GALNTL6: variants seen among roughly 807,000 people sequenced by gnomAD.
GALNTL6 encodes polypeptide N-acetylgalactosaminyltransferase like 6.
In GALNTL6, 46 loss-of-function variants were observed where a neutral mutation model predicts 73.7. The ratio of observed to expected loss-of-function variants is 0.62; its 90% CI spans 0.49 to 0.80. The LOEUF (loss-of-function observed/expected upper bound fraction) is 0.80. Ranked by LOEUF, GALNTL6 falls within the 30% of genes least tolerant of loss-of-function variation. The pLI is 0.00. For missense variants in GALNTL6, 604 were observed against 755.0 expected (o/e 0.80, Z 2.34); for synonymous variants, 259 against 263.7 (o/e 0.98, Z 0.17).
At chr4:172,984,414 G>A (rs980105786) in intron 10 of GALNTL6, among the ~76,000 whole-genome samples, 2 of 152,132 alleles carry the variant, frequency 1.3e-5, no homozygotes, top group African/African-American at 2.4e-5. Flanking sequence ...GGGGGAAACC[G>A]CCCCCATGAT....
chr4:171,986,276 G>C lies in GALNTL6; in HGVS notation c.138+171558G>C, dbSNP rs530025994. 1.8e-4 allele frequency among the ~76,000 whole-genome samples: 28 copies of C among 151,928 alleles called. 2 individuals are homozygous for C. In the South Asian group the frequency reaches 5.0e-3, roughly 27 times the overall value. Reference sequence around the variant, plus strand: ...AGATAAAGGAAAATTACAGTCAAAGGGGGGGTGTTCTCTGGCGGGCAGAGT... The same window carrying C: ...AGATAAAGGAAAATTACAGTCAAAGCGGGGGTGTTCTCTGGCGGGCAGAGT... On this transcript the variant is annotated intron_variant, in intron 2 of 12. Transcript: ENST00000506823.
intron 2 of GALNTL6, among the ~76,000 whole-genome samples, chr4:171,864,354 T>A (rs1012304986): frequency 1.3e-5 from 2 of 148,644 alleles, no homozygotes; most frequent in Admixed American, 6.8e-5. Flanking sequence ...GACAACTCAG[T>A]CTATGATAAA....
intron 2 of GALNTL6, among the ~76,000 whole-genome samples, chr4:171,847,391 G>A (rs951604850): frequency 1.3e-5 from 2 of 152,054 alleles, no homozygotes; most frequent in Admixed American, 1.3e-4. Flanking sequence ...GACTTGCCTC[G>A]ATGTTGATGG....
chr4:172,434,847 A>G (rs1255349481), intron 5 of GALNTL6, among the ~76,000 whole-genome samples: 2 of 151,904 alleles, frequency 1.3e-5, no homozygotes, highest in Non-Finnish European at 2.9e-5. Flanking sequence ...TTCTGATCTC[A>G]TTTCTGTGGC....
intron 2 of GALNTL6, among the ~76,000 whole-genome samples, chr4:172,108,866 AG>A (rs1216418960): frequency 2.0e-5 from 3 of 151,938 alleles, no homozygotes; most frequent in African/African-American, 4.8e-5. Flanking sequence ...ACAAAAAATT[AG>A]CCGGGCATGG....
At chr4:171,960,674 T>C (rs1267214050) in intron 2 of GALNTL6, among the ~76,000 whole-genome samples, 2 of 125,906 alleles carry the variant, frequency 1.6e-5, no homozygotes, top group Non-Finnish European at 3.2e-5. Context: ...CTCAGAGAAA[T>C]GACTGTCTTT....
intron 5 of GALNTL6, among the ~76,000 whole-genome samples, chr4:172,739,626 A>AT (rs1579419646): frequency 6.6e-6 from 1 of 152,206 alleles, no homozygotes; most frequent in East Asian, 1.9e-4. Flanking sequence ...GGAGGAAAAC[A>AT]TAAAAACTCT....
intron 2 of GALNTL6, among the ~76,000 whole-genome samples, chr4:172,209,216 T>C (rs1280007741): frequency 6.6e-6 from 1 of 152,112 alleles, no homozygotes. Context: ...GGAAAACTTC[T>C]GATGTGAACA....
intron 2 of GALNTL6, among the ~76,000 whole-genome samples, chr4:171,981,496 T>C (rs893049949): frequency 2.6e-5 from 4 of 152,200 alleles, no homozygotes; most frequent in African/African-American, 9.7e-5. Flanking sequence ...TGTTGGCAAA[T>C]TATGAGGGAG....
intron 5 of GALNTL6, among the ~76,000 whole-genome samples, chr4:172,441,743 A>G (rs1731845404): frequency 6.6e-6 from 1 of 152,150 alleles, no homozygotes; most frequent in Non-Finnish European, 1.5e-5. Flanking sequence ...AATGTTGGTG[A>G]ATCAACAATA....
chr4:172,915,025 A>C (rs967708637), intron 8 of GALNTL6, among the ~76,000 whole-genome samples: 1 of 152,226 alleles, frequency 6.6e-6, no homozygotes, highest in African/African-American at 2.4e-5. Flanking sequence ...CAAATGTAAA[A>C]CAATAGAAAT....
intron 2 of GALNTL6, among the ~76,000 whole-genome samples, chr4:171,885,707 A>T (rs1307955527): frequency 6.6e-6 from 1 of 152,042 alleles, no homozygotes; most frequent in Non-Finnish European, 1.5e-5. Context: ...TGTGGGGCTG[A>T]GGTGGGAGGA....
intron 5 of GALNTL6, among the ~76,000 whole-genome samples, chr4:172,622,004 A>G (rs999056172): frequency 1.1e-4 from 16 of 152,194 alleles, no homozygotes; most frequent in African/African-American, 3.1e-4. Flanking sequence ...ATGCTGCCCA[A>G]CGTCAAGCTC....
intron 5 of GALNTL6, among the ~76,000 whole-genome samples, chr4:172,461,759 G>A (rs545499627): frequency 6.6e-6 from 1 of 152,114 alleles, no homozygotes; most frequent in Non-Finnish European, 1.5e-5. Context: ...GGGCACTCTT[G>A]GGCACTATTC....
intron 5 of GALNTL6, among the ~76,000 whole-genome samples, chr4:172,383,520 A>G (rs1368596653): frequency 3.3e-5 from 5 of 152,162 alleles, no homozygotes; most frequent in Non-Finnish European, 7.4e-5. Context: ...GATTCTCTAT[A>G]TACAAGAGCA....
intron 5 of GALNTL6, among the ~76,000 whole-genome samples, chr4:172,425,096 C>T (rs944163685): frequency 6.6e-6 from 1 of 152,012 alleles, no homozygotes; most frequent in African/African-American, 2.4e-5. Context: ...TATCAAAATT[C>T]TAATATGTCT....
chr4:171,872,158 A>ATAG (rs1350148470), intron 2 of GALNTL6, among the ~76,000 whole-genome samples: 5 of 152,170 alleles, frequency 3.3e-5, no homozygotes, highest in African/African-American at 1.2e-4. Context: ...ATGTTGCTTC[A>ATAG]TAGTGTGTTG....
At chr4:173,028,543 C>G (rs1561095616) in intron 12 of GALNTL6, among the ~76,000 whole-genome samples, 1 of 152,068 alleles carries the variant, frequency 6.6e-6, no homozygotes, top group East Asian at 1.9e-4. Flanking sequence ...ACATACTTAG[C>G]CCCCTCACCC....
chr4:172,063,618 G>A (rs1472176626), intron 2 of GALNTL6, among the ~76,000 whole-genome samples: 1 of 152,028 alleles, frequency 6.6e-6, no homozygotes, highest in Non-Finnish European at 1.5e-5. Context: ...AACCCAAAAT[G>A]ACTACTTAAA....
Sources: allele counts gnomAD v4.1 joint callset (sites outside exome capture counted in the v4.1 genomes callset), GRCh38; gene constraint gnomAD v4.1.1; transcripts MANE v1.5; gene names NCBI Gene and HGNC (gene_info 2026-07-23, HGNC 2026-07-21).